GCSAML: variants seen among roughly 807,000 people sequenced by gnomAD.
GCSAML encodes germinal center-associated signaling and motility-like protein.
Under a neutral mutation model 13.0 loss-of-function variants are expected in GCSAML, and 9 were observed. The ratio of observed to expected loss-of-function variants is 0.69; its 90% CI spans 0.42 to 1.21. GCSAML has a LOEUF of 1.21. Among genes scored for constraint, GCSAML ranks in the 50% most tolerant of loss-of-function variants. The pLI, the probability that GCSAML is intolerant of heterozygous loss-of-function variation, is 0.00. For missense variants in GCSAML, 143 were observed against 153.4 expected (o/e 0.93, Z 0.36); for synonymous variants, 37 against 52.9 (o/e 0.70, Z 1.31).
chr1:247,531,358 A>G (rs1382299311), intron 2 of GCSAML: 2 of 620,454 alleles, frequency 3.2e-6, no homozygotes, highest in Middle Eastern at 4.3e-4. Context: ...ATTGAACAAA[A>G]CTATGATAAT....
intron 4 of GCSAML, among the ~76,000 whole-genome samples, chr1:247,566,191 G>A (rs1327531346): frequency 1.3e-5 from 2 of 152,102 alleles, no homozygotes; most frequent in African/African-American, 4.8e-5. Context: ...TGATCGAGAT[G>A]AGTAGCAAGT....
At chr1:247,516,467 G>A (rs1269364927) in intron 1 of GCSAML, among the ~76,000 whole-genome samples, 1 of 151,840 alleles carries the variant, frequency 6.6e-6, no homozygotes, top group African/African-American at 2.4e-5. Context: ...TTCTCATGAT[G>A]AGATCTGCAG....
intron 2 of GCSAML, among the ~76,000 whole-genome samples, chr1:247,558,541 C>G (rs567778146): frequency 6.6e-6 from 1 of 152,292 alleles, no homozygotes; most frequent in Admixed American, 6.5e-5. Flanking sequence ...CCCTTCAACC[C>G]CTGGCAACCA....
intron 1 of GCSAML, among the ~76,000 whole-genome samples, chr1:247,520,480 C>T (rs1410470798): frequency 6.6e-6 from 1 of 152,008 alleles, no homozygotes; most frequent in Admixed American, 6.6e-5. Flanking sequence ...TTTGCCAACC[C>T]CCATATTGAG....
Position 247,529,718 on chromosome 1 carries a change from G to GTTTT in GCSAML, c.-148+2688_-148+2691dup, listed in dbSNP as rs57236564. 8 of 108,308 alleles carry GTTTT rather than the reference G, an allele frequency of 7.4e-5. 1 individual carries two copies. The highest frequency in any genetic ancestry group is 2.9e-4 in the African/African-American group (8 of 27,446). The allele number at this position is 108,308 out of a possible 1,614,324, so 6.7% of individuals were successfully genotyped here. A position where few individuals can be genotyped will look rare whatever the true frequency, so the allele number is the denominator to read the frequency against. Reference sequence around the variant, plus strand: ...CAAGCCTCGGTGTTACTGTGAAGGTGTTTTTTTTTTTTTTTTTTTTTTTTT... The same window carrying GTTTT: ...CAAGCCTCGGTGTTACTGTGAAGGTGTTTTTTTTTTTTTTTTTTTTTTTTTTTTT... On this transcript the variant is annotated intron_variant, in intron 2 of 5. Transcript: ENST00000366489.
rs114516548 is a variant in GCSAML at position 247,572,163 on chromosome 1, G to A, written c.169-1980G>A. On this transcript the variant is annotated intron_variant, in intron 4 of 4. Coordinates refer to ENST00000366488, the MANE Select transcript of GCSAML (RefSeq NM_145278.5). ...GGCTTGGAACATGCTCCTTTAGATC[G>A]GAAGAGTTTATTACCCACCTTCTGA... is the stretch of plus-strand genomic sequence containing the variant. Among the ~76,000 whole-genome samples, 1,485 of 151,952 alleles carry A rather than the reference G, an allele frequency of 9.8e-3. 29 individuals are homozygous for A. The highest frequency in any genetic ancestry group is 0.034 in the African/African-American group (1,390 of 41,434).
rs145243936 is a variant in GCSAML, at chr1:247,550,597, A to G, written c.29+1377A>G. Among the ~76,000 whole-genome samples, 374 of 152,146 alleles carry G rather than the reference A, an allele frequency of 2.5e-3. 2 individuals are homozygous for G. Among genetic ancestry groups the G allele is most frequent in the Middle Eastern group, 0.017 (5 of 294 alleles). ...GCTTGCAGTGAGCCGAGATCCCGCCACTGCACTCCAGCCTGGGCGACAGAG... is the reference window on the plus strand; with the variant it reads ...GCTTGCAGTGAGCCGAGATCCCGCCGCTGCACTCCAGCCTGGGCGACAGAG... On this transcript the variant is annotated intron_variant, in intron 1 of 4. Transcript: ENST00000366488.
At chr1:247,561,709 T>C (rs775947820) in intron 2 of GCSAML, among the ~76,000 whole-genome samples, 5 of 152,212 alleles carry the variant, frequency 3.3e-5, no homozygotes, top group Non-Finnish European at 7.3e-5. Flanking sequence ...TTGTTTCTGC[T>C]TCTTTTGTTT....
chr1:247,519,328 A>T (rs1342183417), intron 1 of GCSAML: 1 of 152,214 alleles, frequency 6.6e-6, no homozygotes, highest in East Asian at 1.9e-4. Context: ...TGTGACTCTG[A>T]TTCCACTGAG....
chr1:247,540,225 G>A (rs1667365188), intron 2 of GCSAML, among the ~76,000 whole-genome samples: 1 of 152,156 alleles, frequency 6.6e-6, no homozygotes, highest in South Asian at 2.1e-4. Context: ...TAGAGATGGG[G>A]TTTCACCATG....
chr1:247,546,602 C>A (rs1264690229), upstream of GCSAML, among the ~76,000 whole-genome samples: 1 of 151,992 alleles, frequency 6.6e-6, no homozygotes, highest in Non-Finnish European at 1.5e-5. Flanking sequence ...ACCTCATGAT[C>A]CACCCGCCTC....
rs1469112419 is a variant in GCSAML, at chr1:247,507,379, G to A, written c.-263+146G>A. ...TCAGGAAATTATTCAAGAAGAAATAGAAATGTAATGTTATGAGGACATAAA... is the reference window on the plus strand; with the variant it reads ...TCAGGAAATTATTCAAGAAGAAATAAAAATGTAATGTTATGAGGACATAAA... On this transcript the variant is annotated intron_variant, in intron 1 of 5. Transcript: ENST00000366489. 3.3e-5 allele frequency: 5 copies of A among 152,136 alleles called. No homozygotes were observed. In the East Asian group the frequency reaches 9.6e-4, roughly 29 times the overall value. 9.4% of individuals were successfully genotyped at this position (152,136 alleles called of 1,614,324 possible).
At chr1:247,574,003 T>C in intron 4 of GCSAML, 140 bp from the exon 5 acceptor site, 1 of 814,142 alleles carries the variant, frequency 1.2e-6, no homozygotes, top group South Asian at 1.7e-5. Flanking sequence ...CTATTATTGG[T>C]GTACAGGAAT....
intron 3 of GCSAML, among the ~76,000 whole-genome samples, chr1:247,563,852 G>C (rs1009382782): frequency 1.2e-4 from 19 of 152,126 alleles, no homozygotes; most frequent in African/African-American, 4.6e-4. Context: ...TCTGTGGAAA[G>C]AAGTTAACCA....
chr1:247,519,840 C>T (rs541594279), intron 1 of GCSAML, among the ~76,000 whole-genome samples: 2 of 152,132 alleles, frequency 1.3e-5, no homozygotes, highest in South Asian at 4.2e-4. Context: ...AACATAGGGT[C>T]GTGTATGGGA....
Position 247,510,376 on chromosome 1 carries a change from T to C in GCSAML, c.-263+3143T>C, listed in dbSNP as rs182172690. ...ACCTCCTTTATCATTTTTTATTGTG[T>C]CTATTTGATTTTTCTCTCTTTCCTT... On this transcript the variant is annotated intron_variant, in intron 1 of 5. Coordinates refer to the GCSAML transcript ENST00000366489. Among the ~76,000 whole-genome samples the C allele has an allele frequency of 3.0e-3, 461 of 152,308 alleles. 3 individuals are homozygous for C. Among genetic ancestry groups the C allele is most frequent in the African/African-American group, 0.011 (445 of 41,560 alleles).
chr1:247,565,901 T>C, intron 3 of GCSAML, 30 bp from the exon 4 acceptor site: 1 of 1,537,600 alleles, frequency 6.5e-7, no homozygotes, highest in Non-Finnish European at 8.8e-7. Flanking sequence ...CTTTCCTTTC[T>C]TTCTTTTTTT....
chr1:247,518,036 C>A (rs1453539465), intron 1 of GCSAML, among the ~76,000 whole-genome samples: 1 of 152,216 alleles, frequency 6.6e-6, no homozygotes, highest in African/African-American at 2.4e-5. Context: ...ACTTCCTCAG[C>A]GACCGGGCCC....
intron 3 of GCSAML, among the ~76,000 whole-genome samples, chr1:247,564,235 A>G (rs895016016): frequency 4.6e-5 from 7 of 151,974 alleles, no homozygotes; most frequent in African/African-American, 1.7e-4. Context: ...CCCGGCCCCT[A>G]AAAAGTGTAT....
Sources: allele counts gnomAD v4.1 joint callset (sites outside exome capture counted in the v4.1 genomes callset), GRCh38; gene constraint gnomAD v4.1.1; transcripts MANE v1.5; gene names NCBI Gene and HGNC (gene_info 2026-07-23, HGNC 2026-07-21).